HTT: variants seen among roughly 807,000 people sequenced by gnomAD.
The protein encoded by HTT is huntingtin.
In HTT, 104 loss-of-function variants were observed where a neutral mutation model predicts 362.3. The ratio of observed to expected loss-of-function variants is 0.29; its 90% CI spans 0.24 to 0.34. The LOEUF is 0.34. Among genes scored for constraint, HTT ranks in the 10% least tolerant of loss-of-function variants. The probability of loss-of-function intolerance (pLI) is 1.00; values close to 1 mark genes in which losing one functional copy is unlikely to be tolerated. For missense variants in HTT, 3,301 were observed against 3,928.6 expected (o/e 0.84, Z 4.27); for synonymous variants, 1,577 against 1,548.7 (o/e 1.02, Z -0.43).
In HTT at chr4:3,215,201, A is replaced by G; in HGVS notation, c.7044A>G (p.Pro2348=). ...AISEEEEEVD[P]NTQNPKYITA... ...GCGAGGAGGAGGAGGAAGTAGATCC[A>G]AACACACAGAGTAAGTCTCAGGACC... The change falls in exon 51 of 67, where the codon CCA becomes CCG. Residue 2348 remains proline, a synonymous_variant. Coordinates refer to ENST00000355072, the MANE Select transcript of HTT (RefSeq NM_001388492.1). The G allele has an allele frequency of 6.2e-7, 1 of 1,613,120 alleles. No individual in the cohort carries two copies. The highest frequency in any genetic ancestry group is 8.5e-7 in the Non-Finnish European group (1 of 1,179,288).
intron 33 of HTT, 105 bp downstream of exon 33, chr4:3,175,212 C>G: frequency 5.6e-6 from 6 of 1,069,514 alleles, no homozygotes; most frequent in Non-Finnish European, 8.1e-6. Flanking sequence ...CTGCATGTTT[C>G]CCTCATCAGT....
At chr4:3,223,945 G>C (rs745728568) in intron 55 of HTT, 47 bp from the exon 56 acceptor site, 2 of 1,605,156 alleles carry the variant, frequency 1.2e-6, no homozygotes, top group Admixed American at 3.3e-5. Flanking sequence ...TCACTTGTAA[G>C]ATTTTGAAGG....
chr4:3,212,208 C>A, intron 48 of HTT, 66 bp downstream of exon 48: 1 of 1,216,592 alleles, frequency 8.2e-7, no homozygotes, highest in East Asian at 2.6e-5. Flanking sequence ...TACTTTGCAC[C>A]AAGTAAATGT....
At chr4:3,182,281 A>G (rs1039200778) in intron 36 of HTT, 73 bp from the exon 37 acceptor site, 6 of 919,258 alleles carry the variant, frequency 6.5e-6, no homozygotes, top group Admixed American at 5.4e-5. Flanking sequence ...TGGGACAAGT[A>G]TAACAGACGG....
intron 6 of HTT, chr4:3,112,881 C>T (rs181844583): frequency 1.3e-3 from 249 of 190,416 alleles, no homozygotes; most frequent in Non-Finnish European, 2.0e-3. Context: ...ATGGGGATTC[C>T]AGGAGCTCTG....
In HTT at chr4:3,220,313, T is replaced by C; in HGVS notation, c.7369+5T>C. On this transcript the variant is annotated splice_donor_5th_base_variant and intron_variant, in intron 53 of 66. Transcript: ENST00000355072. ...TCTACCGCATCAACACACTAGGTAC[T>C]CTTGGGGCCTCTCCTTCAGGTCACC... 6.2e-7 allele frequency: 1 copy of C among 1,610,048 alleles called. No homozygotes were observed. The highest frequency in any genetic ancestry group is 8.5e-7 in the Non-Finnish European group (1 of 1,176,482).
chr4:3,204,174 G>A (rs756829931), intron 42 of HTT, 26 bp downstream of exon 42: 33 of 1,613,238 alleles, frequency 2.0e-5, no homozygotes, highest in Middle Eastern at 1.7e-4. Flanking sequence ...CTGTAAACGG[G>A]GTTGAGGGAG....
intron 28 of HTT, 111 bp downstream of exon 28, chr4:3,157,310 G>A: frequency 9.9e-7 from 1 of 1,006,274 alleles, no homozygotes; most frequent in Non-Finnish European, 1.5e-6. Context: ...TGAGATATGA[G>A]TTACATTTAG....
chr4:3,172,847 G>T, intron 30 of HTT, 61 bp from the exon 31 acceptor site: 1 of 1,111,590 alleles, frequency 9.0e-7, no homozygotes, highest in South Asian at 1.2e-5. Context: ...ATATTTGTGT[G>T]GGAGATTCTT....
intron 24 of HTT, 69 bp from the exon 25 acceptor site, chr4:3,146,728 A>G: frequency 7.0e-7 from 1 of 1,420,830 alleles, no homozygotes; most frequent in South Asian, 1.2e-5. Context: ...TTGGAATTGC[A>G]AGAGAAAGGA....
At position 3,087,004 on chromosome 4, in the gene HTT, T is replaced by C. The variant is rs370488438; in HGVS notation, c.329T>C (p.Ile110Thr). 5.6e-6 allele frequency: 9 copies of C among 1,598,608 alleles called. No individual in the cohort carries two copies. The highest frequency in any genetic ancestry group is 2.7e-5 in the African/African-American group (2 of 74,644). Residue 110 changes from isoleucine to threonine, a missense_variant, in exon 2 of 67, where the codon ATA (isoleucine) becomes ACA (threonine). This residue lies in a region of HTT where 2,316 missense variants were observed against 2,658.5 expected (regional missense o/e 0.87). Transcript: ENST00000355072. ...CATTGTCTGACAATATGTGAAAACA[T>C]AGTGGCACAGTCTGTCAGGTAATTG... ...VNHCLTICEN[I>T]VAQSVRNSPE...
intron 3 of HTT, among the ~76,000 whole-genome samples, chr4:3,102,080 A>T (rs767359988): frequency 6.6e-6 from 1 of 152,038 alleles, no homozygotes; most frequent in African/African-American, 2.4e-5. Flanking sequence ...TGGTCAGGGG[A>T]GTGTATCATT....
chr4:3,099,434 TTG>T (rs1319214009), intron 3 of HTT, 40 bp downstream of exon 3: 3 of 1,610,174 alleles, frequency 1.9e-6, no homozygotes, highest in Non-Finnish European at 2.5e-6. Context: ...AGAGCTATCA[TTG>T]TTGTAGGCTG....
At chr4:3,229,644 C>T (rs1721143570) in intron 59 of HTT, among the ~76,000 whole-genome samples, 1 of 151,852 alleles carries the variant, frequency 6.6e-6, no homozygotes, top group Non-Finnish European at 1.5e-5. Context: ...ACCACATGCG[C>T]ACACACACAC....
chr4:3,131,669 C>G lies in HTT; in HGVS notation c.2130C>G (p.Ser710Arg), dbSNP rs761776008. 3 of 1,613,854 alleles carry G rather than the reference C, an allele frequency of 1.9e-6. No homozygotes were observed. Among genetic ancestry groups the G allele is most frequent in the Non-Finnish European group, 2.5e-6 (3 of 1,179,924 alleles). ...VLVPDRDVRV[S>R]VKALALSCVG... ...TTCCGGACAGGGATGTGAGGGTCAG[C>G]GTGAAGGCCCTGGCCCTCAGCTGTG... The change falls in exon 16 of 67, where the codon AGC (serine) becomes AGG (arginine). Residue 710 changes from serine (S) to arginine (R), a missense_variant. Transcript: ENST00000355072.
rs3733216 is a variant in HTT at position 3,213,943 on chromosome 4, G to T, written c.6775-15G>T. On this transcript the variant is annotated splice_polypyrimidine_tract_variant and intron_variant, in intron 49 of 66. Transcript: ENST00000355072. ...TACACGAGTGGGCATTCTGTGACTC[G>T]GTACTTCCCTTTAGGCCCTGTCCTG... 4.0e-4 allele frequency: 610 copies of T among 1,511,546 alleles called. 6 individuals carry two copies. The East Asian group carries it at 0.015, about 37-fold the overall frequency. The allele number at this position is 1,511,546 out of a possible 1,614,324, so 93.6% of individuals were successfully genotyped here.
intron 29 of HTT, among the ~76,000 whole-genome samples, chr4:3,161,349 C>G (rs1311050537): frequency 2.6e-5 from 4 of 152,150 alleles, no homozygotes; most frequent in Non-Finnish European, 5.9e-5. Context: ...GGTTCCAAGT[C>G]TTTGCTATTG....
intron 35 of HTT, among the ~76,000 whole-genome samples, chr4:3,178,785 G>A (rs919951976): frequency 1.3e-5 from 2 of 152,202 alleles, no homozygotes; most frequent in Non-Finnish European, 2.9e-5. Flanking sequence ...AAGAAGCGAT[G>A]CAACACTAAA....
At chr4:3,222,304 GTGCTGTGTCGGCGT>G in intron 53 of HTT, 69 bp from the exon 54 acceptor site, 1 of 1,159,940 alleles carries the variant, frequency 8.6e-7, no homozygotes, top group Non-Finnish European at 1.3e-6. Flanking sequence ...TCCAGGGGCC[GTGCTGTGTCGGCGT>G]AGCTGTCAGC....
Sources: gnomAD v4.1 joint callset for allele counts (sites outside exome capture counted in the v4.1 genomes callset) on GRCh38, gnomAD v4.1.1 for gene constraint, gnomAD v4.1.1 regional missense constraint, MANE v1.5 for transcripts, NCBI Gene and HGNC (gene_info 2026-07-23, HGNC 2026-07-21) for gene names.